The following AASDH variants were observed in gnomAD, a reference collection of about 807,000 sequenced individuals.
AASDH encodes the protein beta-alanine-activating enzyme.
AASDH carries 81 observed loss-of-function variants against 102.3 expected under a neutral mutation model. The ratio of observed to expected loss-of-function variants is 0.79; its 90% CI spans 0.66 to 0.95. AASDH has a LOEUF of 0.95. Ranked by LOEUF, AASDH falls within the 40% of genes least tolerant of loss-of-function variation. AASDH has a pLI of 0.00. For synonymous variants in AASDH, 398 were observed against 454.0 expected (o/e 0.88, Z 1.57); for missense variants, 1,203 against 1,266.2 (o/e 0.95, Z 0.76).
chr4:56,382,712 C>T, intron 2 of AASDH, 115 bp from the exon 3 acceptor site: 6 of 1,209,418 alleles, frequency 5.0e-6, no homozygotes, highest in Non-Finnish European at 6.9e-6. Context: ...AAAATGGTTT[C>T]CGGAGCACTT....
rs1749459374 is a variant in AASDH at position 56,355,198 on chromosome 4, G to C, written c.1087C>G (p.Leu363Val). 6.2e-7 allele frequency: 1 copy of C among 1,613,656 alleles called. No homozygotes were observed. The highest frequency in any genetic ancestry group is 1.3e-5 in the African/African-American group (1 of 74,912). ...ATIYRIPEKT[L>V]NSTLKCELPV... ...AACCCTTACTTGAGAGTAGAGTTAA[G>C]AGTCTTCTCTGGAATCCTATAAATG... is the stretch of plus-strand genomic sequence containing the variant. The change falls in exon 6 of 15, where the codon CTT becomes GTT. Residue 363 changes from leucine (L) to valine (V), a missense_variant. By Grantham distance (32) the Leu-to-Val change is conservative. Transcript: ENST00000205214.
At chr4:56,361,346 T>C (rs1044570919) in intron 5 of AASDH, among the ~76,000 whole-genome samples, 2 of 151,718 alleles carry the variant, frequency 1.3e-5, no homozygotes, top group Non-Finnish European at 2.9e-5. Context: ...GAGGTGGAGG[T>C]TGCGGTGAGC....
chr4:56,351,652 T>C (rs1377265979), intron 9 of AASDH, among the ~76,000 whole-genome samples, 195 bp from the exon 10 acceptor site: 1 of 152,010 alleles, frequency 6.6e-6, no homozygotes, highest in Non-Finnish European at 1.5e-5. Context: ...GAGAAACAGG[T>C]CAGGCATAGT....
intron 4 of AASDH, among the ~76,000 whole-genome samples, chr4:56,374,612 C>G (rs1752144689): frequency 6.6e-6 from 1 of 152,156 alleles, no homozygotes; most frequent in African/African-American, 2.4e-5. Flanking sequence ...ACCCATTTCT[C>G]TTTCCAAAAC....
At chr4:56,374,734 T>C (rs1752157015) in intron 4 of AASDH, among the ~76,000 whole-genome samples, 1 of 152,216 alleles carries the variant, frequency 6.6e-6, no homozygotes, top group South Asian at 2.1e-4. Context: ...GAATAAACTT[T>C]TTTTCTTAAT....
chr4:56,386,268 A>T (rs1325707215), intron 1 of AASDH, among the ~76,000 whole-genome samples: 1 of 152,208 alleles, frequency 6.6e-6, no homozygotes, highest in African/African-American at 2.4e-5. Context: ...AGGCGCTTAA[A>T]TTATGAGGAA....
At chr4:56,379,946 T>C (rs1175457197) in intron 3 of AASDH, among the ~76,000 whole-genome samples, 1 of 152,152 alleles carries the variant, frequency 6.6e-6, no homozygotes, top group African/African-American at 2.4e-5. Context: ...CACTCAGCAC[T>C]AAGGAGTTTA....
At chr4:56,368,838 C>T (rs899475531) in intron 5 of AASDH, among the ~76,000 whole-genome samples, 12 of 148,416 alleles carry the variant, frequency 8.1e-5, no homozygotes, top group African/African-American at 2.0e-4. Flanking sequence ...CAAACCTGCA[C>T]GTTGTACACA....
intron 5 of AASDH, among the ~76,000 whole-genome samples, chr4:56,359,789 C>A (rs1298312395): frequency 6.7e-6 from 1 of 150,134 alleles, no homozygotes; most frequent in Non-Finnish European, 1.5e-5. Context: ...GAACTCCTGA[C>A]CTCATGATCC....
intron 4 of AASDH, among the ~76,000 whole-genome samples, chr4:56,377,114 C>T (rs959316293): frequency 2.0e-5 from 3 of 151,726 alleles, no homozygotes; most frequent in Non-Finnish European, 2.9e-5. Flanking sequence ...ATTAACTTCA[C>T]TTGATTCTTT....
chr4:56,354,864 T>C, intron 6 of AASDH, 53 bp from the exon 7 acceptor site: 8 of 1,372,520 alleles, frequency 5.8e-6, no homozygotes, highest in Non-Finnish European at 8.1e-6. Flanking sequence ...GAATAGAATA[T>C]TTTCCAATAT....
rs1749300077 is a variant in AASDH at position 56,354,089 on chromosome 4, T to C, written c.1333A>G (p.Ser445Gly). 1 of 1,613,286 alleles carries C rather than the reference T, an allele frequency of 6.2e-7. No individual in the cohort carries two copies. ...CGTTTGCCATGACGTTTGATCTGACTGTCTTTTCGTCCCAAAAAAAAAATC... is the reference window on the plus strand; with the variant it reads ...CGTTTGCCATGACGTTTGATCTGACCGTCTTTTCGTCCCAAAAAAAAAATC... ...GEIFFLGRKD[S>G]QIKRHGKRLN... is the part of the protein sequence containing the mutation. Residue 445 changes from serine to glycine, a missense_variant, in exon 8 of 15, where the codon AGT becomes GGT. Coordinates refer to ENST00000205214, the MANE Select transcript of AASDH (RefSeq NM_181806.4).
At chr4:56,347,831 G>A (rs775421310) in intron 11 of AASDH, among the ~76,000 whole-genome samples, 1 of 152,066 alleles carries the variant, frequency 6.6e-6, no homozygotes, top group Non-Finnish European at 1.5e-5. Flanking sequence ...CCTCCCAAAA[G>A]CTTGATAAAA....
rs779749662 is a variant in AASDH at position 56,338,561 on chromosome 4, T to G, written c.3138A>C (p.Lys1046Asn). The G allele has an allele frequency of 5.6e-6, 9 of 1,613,956 alleles. No individual in the cohort carries two copies. The highest frequency in any genetic ancestry group is 7.6e-6 in the Non-Finnish European group (9 of 1,180,046). ...CACTCTGAGATTCCAAGATCCACAC[T>G]TTCCCATCAGTAGATGCTGCTGCCA... ...MLLAAASTDG[K>N]VWILESQSGQ... Residue 1046 changes from lysine to asparagine, a missense_variant, in exon 15 of 15, where the codon AAA (lysine) becomes AAC (asparagine). By Grantham distance (94) the Lys-to-Asn change is moderately conservative. Coordinates refer to ENST00000205214, the MANE Select transcript of AASDH (RefSeq NM_181806.4).
intron 5 of AASDH, chr4:56,356,059 T>C: frequency 3.9e-6 from 2 of 516,996 alleles, no homozygotes; most frequent in East Asian, 6.0e-5. Flanking sequence ...TTACCTTTCC[T>C]TTCTTACTCT....
Position 56,382,518 on chromosome 4 carries a change from A to T in AASDH, c.310T>A (p.Cys104Ser). Residue 104 changes from cysteine to serine, a missense_variant, in exon 3 of 15, where the codon TGT becomes AGT. Physicochemically the swap from Cys to Ser is moderately radical, Grantham distance 112 (BLOSUM62 -1). Transcript: ENST00000205214. ...TCAACAAGGATATACTTTAGATTAC[A>T]TTTTTTCATAAAATGAGTTGATAAT... is the stretch of plus-strand genomic sequence containing the variant. ...PSLSTHFMKKCNLKYILVEKK... is the reference protein window; with the variant it reads ...PSLSTHFMKKSNLKYILVEKK... The T allele has an allele frequency of 6.2e-7, 1 of 1,600,740 alleles. No homozygotes were observed. Among genetic ancestry groups the T allele is most frequent in the Non-Finnish European group, 8.6e-7 (1 of 1,168,928 alleles).
At chr4:56,356,335 C>CT in intron 5 of AASDH, 1 of 1,554,618 alleles carries the variant, frequency 6.4e-7, no homozygotes, top group South Asian at 1.1e-5. Flanking sequence ...GGCAGAGAGC[C>CT]ATCCCTCAAT....
chr4:56,387,400 C>G lies in AASDH; in HGVS notation c.-81G>C, dbSNP rs1753698292. ...CGGATTAGGTTTGATCGCATTCGGC[C>G]CTTTCCCGGATAGCTCGTCGCGGAT... On this transcript the variant is annotated 5_prime_UTR_variant, in exon 1 of 15. Coordinates refer to ENST00000205214, the MANE Select transcript of AASDH (RefSeq NM_181806.4). 6.6e-6 allele frequency: 1 copy of G among 152,332 alleles called. No homozygotes were observed. Among genetic ancestry groups the G allele is most frequent in the Non-Finnish European group, 1.5e-5 (1 of 68,114 alleles). The allele number at this position is 152,332 out of a possible 1,614,324, so 9.4% of individuals were successfully genotyped here. A position where few individuals can be genotyped will look rare whatever the true frequency, so the allele number is the denominator to read the frequency against.
chr4:56,365,329 G>C (rs1448288433), intron 5 of AASDH, among the ~76,000 whole-genome samples: 1 of 151,414 alleles, frequency 6.6e-6, no homozygotes, highest in Non-Finnish European at 1.5e-5. Flanking sequence ...AAGTTAACAA[G>C]GATATCCAGG....
Sources: gnomAD v4.1 joint callset for allele counts (sites outside exome capture counted in the v4.1 genomes callset) on GRCh38, gnomAD v4.1.1 for gene constraint, MANE v1.5 for transcripts, NCBI Gene and HGNC (gene_info 2026-07-23, HGNC 2026-07-21) for gene names.